FRMD4A: variants seen among roughly 807,000 people sequenced by gnomAD.
FRMD4A encodes FERM domain-containing protein 4A.
A neutral mutation model predicts 129.1 loss-of-function variants in FRMD4A; 29 were observed. The observed-to-expected ratio is 0.22, with a 90% CI of 0.17 to 0.31. The LOEUF (loss-of-function observed/expected upper bound fraction) is 0.31, where lower values mean the gene tolerates loss of function less well. Among genes scored for constraint, FRMD4A ranks in the 10% least tolerant of loss-of-function variants. The pLI, the probability that FRMD4A is intolerant of heterozygous loss-of-function variation, is 1.00. For synonymous variants in FRMD4A, 634 were observed against 571.6 expected, an observed-to-expected ratio of 1.11 and a Z score of -1.56; for missense variants, 1,272 against 1,375.8, an observed-to-expected ratio of 0.92 and a Z score of 1.19.
At chr10:14,216,767 C>T (rs1458585349) in intron 2 of FRMD4A, among the ~76,000 whole-genome samples, 1 of 152,114 alleles carries the variant, frequency 6.6e-6, no homozygotes, top group South Asian at 2.1e-4. Context: ...CCCATGCTCC[C>T]TCTAGTTTTC....
At chr10:13,980,045 A>C (rs1246220226) in intron 2 of FRMD4A, among the ~76,000 whole-genome samples, 1 of 152,222 alleles carries the variant, frequency 6.6e-6, no homozygotes, top group Non-Finnish European at 1.5e-5. Flanking sequence ...ATGGGAATGG[A>C]GAGGCTGCAC....
At chr10:13,890,616 C>T in intron 2 of FRMD4A, 1 of 985,360 alleles carries the variant, frequency 1.0e-6, no homozygotes, top group Non-Finnish European at 1.2e-6. Context: ...CAGAGCAACC[C>T]CTTTCATCAC....
At chr10:13,896,813 A>G (rs931369551) in intron 2 of FRMD4A, among the ~76,000 whole-genome samples, 9 of 152,198 alleles carry the variant, frequency 5.9e-5, no homozygotes, top group Non-Finnish European at 1.0e-4. Context: ...TTATCCTTGG[A>G]ATTGACAGAT....
intron 2 of FRMD4A, among the ~76,000 whole-genome samples, chr10:13,889,262 GC>G (rs1681245549): frequency 6.6e-6 from 1 of 152,068 alleles, no homozygotes; most frequent in Admixed American, 6.5e-5. Flanking sequence ...CTCACTTTTT[GC>G]ATCCACTCCT....
chr10:14,327,027 A>G (rs913732113), intron 2 of FRMD4A: 3 of 398,434 alleles, frequency 7.5e-6, no homozygotes, highest in Non-Finnish European at 8.8e-6. Context: ...TGTCCGTTGA[A>G]AGAATCAGTG....
At chr10:14,052,736 G>A (rs1209648753) in intron 2 of FRMD4A, among the ~76,000 whole-genome samples, 2 of 143,346 alleles carry the variant, frequency 1.4e-5, no homozygotes, top group South Asian at 4.5e-4. Context: ...TTTTTTTTCT[G>A]TATTTTTAGT....
intron 2 of FRMD4A, among the ~76,000 whole-genome samples, chr10:14,144,649 G>A (rs1839991573): frequency 6.6e-6 from 1 of 152,170 alleles, no homozygotes; most frequent in African/African-American, 2.4e-5. Context: ...ACTCAGAAGG[G>A]TGATCTCATG....
At chr10:13,659,638 C>A in intron 20 of FRMD4A, 148 bp from the exon 21 acceptor site, 1 of 730,452 alleles carries the variant, frequency 1.4e-6, no homozygotes, top group East Asian at 2.7e-5. Context: ...CTGTGGTTCT[C>A]AGCCTTTCCC....
At chr10:14,075,376 A>G (rs970251652) in intron 2 of FRMD4A, among the ~76,000 whole-genome samples, 12 of 152,222 alleles carry the variant, frequency 7.9e-5, no homozygotes, top group African/African-American at 2.9e-4. Flanking sequence ...TTAGAACAAC[A>G]TGATGTGTGT....
At chr10:13,759,232 TACAA>T (rs1466560673) in intron 8 of FRMD4A, among the ~76,000 whole-genome samples, 2 of 152,212 alleles carry the variant, frequency 1.3e-5, no homozygotes, top group Non-Finnish European at 2.9e-5. Context: ...CAGCTGCGCT[TACAA>T]ACAAACTGCT....
At chr10:14,249,089 G>A (rs1484305925) in intron 2 of FRMD4A, among the ~76,000 whole-genome samples, 4 of 152,176 alleles carry the variant, frequency 2.6e-5, no homozygotes, top group African/African-American at 9.7e-5. Flanking sequence ...AGTGGCTCAT[G>A]CCTGTAATCC....
intron 14 of FRMD4A, 102 bp from the exon 15 acceptor site, chr10:13,694,141 G>A: frequency 1.1e-6 from 1 of 885,034 alleles, no homozygotes; most frequent in Non-Finnish European, 1.7e-6. Flanking sequence ...ATTCCGCAAA[G>A]GGACTTATCT....
intron 2 of FRMD4A, among the ~76,000 whole-genome samples, chr10:13,946,513 C>T (rs1466393008): frequency 6.6e-6 from 1 of 152,224 alleles, no homozygotes; most frequent in Non-Finnish European, 1.5e-5. Context: ...ACACTGAACA[C>T]ATCCCACTCC....
At chr10:13,694,297 T>A (rs535657270) in intron 14 of FRMD4A, among the ~76,000 whole-genome samples, 1 of 152,352 alleles carries the variant, frequency 6.6e-6, no homozygotes, top group Admixed American at 6.5e-5. Context: ...CACTGCTTTG[T>A]GCTTAAGAGA....
intron 6 of FRMD4A, among the ~76,000 whole-genome samples, chr10:13,774,030 G>A (rs972216937): frequency 6.6e-6 from 1 of 152,188 alleles, no homozygotes; most frequent in African/African-American, 2.4e-5. Flanking sequence ...TAAATGAGAT[G>A]TATCCACGCC....
chr10:13,667,208 G>A (rs1394154730), intron 17 of FRMD4A, among the ~76,000 whole-genome samples: 4 of 152,214 alleles, frequency 2.6e-5, no homozygotes, highest in East Asian at 3.9e-4. Flanking sequence ...CACCATGCCC[G>A]GCCATGGGAG....
intron 2 of FRMD4A, among the ~76,000 whole-genome samples, chr10:13,896,904 T>A (rs1352965577): frequency 6.6e-6 from 1 of 152,250 alleles, no homozygotes; most frequent in African/African-American, 2.4e-5. Context: ...TTCAGTCAGC[T>A]ACTTGCAAAG....
chr10:13,717,615 AATTT>A (rs2088939463), intron 12 of FRMD4A, among the ~76,000 whole-genome samples: 1 of 41,912 alleles, frequency 2.4e-5, no homozygotes, highest in African/African-American at 8.9e-5. Context: ...CACCCGGCTA[AATTT>A]TTTTTTTTTT....
chr10:14,177,361 T>C (rs1224525601), intron 2 of FRMD4A, among the ~76,000 whole-genome samples: 1 of 152,030 alleles, frequency 6.6e-6, no homozygotes, highest in Non-Finnish European at 1.5e-5. Flanking sequence ...TCAGTAGAGA[T>C]GGGGTTTCGC....
Sources: allele counts gnomAD v4.1 joint callset (sites outside exome capture counted in the v4.1 genomes callset), GRCh38; gene constraint gnomAD v4.1.1; transcripts MANE v1.5; gene names NCBI Gene and HGNC (gene_info 2026-07-23, HGNC 2026-07-21).